Variants in AUTS2 observed in about 807,000 individuals in gnomAD.
AUTS2 encodes activator of transcription and developmental regulator AUTS2.
In AUTS2, 17 loss-of-function variants were observed where a neutral mutation model predicts 112.4. The ratio of observed to expected loss-of-function variants is 0.15; its 90% CI spans 0.10 to 0.23. AUTS2 has a LOEUF of 0.23. AUTS2 is among the 10% of genes least tolerant of loss of function. The pLI, the probability that AUTS2 is intolerant of heterozygous loss-of-function variation, is 1.00. For synonymous variants in AUTS2, 751 were observed against 702.7 expected (o/e 1.07, Z -1.09); for missense variants, 1,510 against 1,701.6 (o/e 0.89, Z 1.98).
At chr7:70,559,313 A>G (rs1801381650) in intron 5 of AUTS2, among the ~76,000 whole-genome samples, 1 of 150,766 alleles carries the variant, frequency 6.6e-6, no homozygotes. Flanking sequence ...ATCTGATCTG[A>G]TGGCTTCTAC....
At chr7:69,917,278 CCTTTTT>C (rs1394310164) in intron 2 of AUTS2, among the ~76,000 whole-genome samples, 5 of 146,872 alleles carry the variant, frequency 3.4e-5, no homozygotes, top group African/African-American at 1.3e-4. Context: ...CAGAGCATTC[CCTTTTT>C]TTTTCTTTTT....
chr7:70,614,893 G>A (rs987601231), intron 5 of AUTS2, among the ~76,000 whole-genome samples: 7 of 152,198 alleles, frequency 4.6e-5, no homozygotes, highest in Non-Finnish European at 7.4e-5. Context: ...CCGGCTGCAG[G>A]GCTAACCTGC....
chr7:70,592,638 C>T (rs556546145), intron 5 of AUTS2, among the ~76,000 whole-genome samples: 1 of 152,206 alleles, frequency 6.6e-6, no homozygotes, highest in East Asian at 1.9e-4. Context: ...GCTGGGATTA[C>T]AGGCATGAGC....
intron 4 of AUTS2, among the ~76,000 whole-genome samples, chr7:70,381,769 C>G (rs1034854489): frequency 1.3e-5 from 2 of 152,192 alleles, no homozygotes; most frequent in African/African-American, 2.4e-5. Context: ...TCCTTTGTCA[C>G]ATTGACTTCC....
At chr7:70,559,191 T>G (rs942439668) in intron 5 of AUTS2, among the ~76,000 whole-genome samples, 1 of 152,228 alleles carries the variant, frequency 6.6e-6, no homozygotes, top group African/African-American at 2.4e-5. Flanking sequence ...ACCATGATTG[T>G]GAGGCCTCCC....
At chr7:70,129,615 A>C (rs773521244) in intron 3 of AUTS2, among the ~76,000 whole-genome samples, 4 of 152,190 alleles carry the variant, frequency 2.6e-5, no homozygotes, top group Non-Finnish European at 4.4e-5. Flanking sequence ...GACTATGTTA[A>C]AAGGATTGGA....
At chr7:69,748,579 G>A (rs79316265) in intron 1 of AUTS2, among the ~76,000 whole-genome samples, 3 of 152,172 alleles carry the variant, frequency 2.0e-5, no homozygotes, top group Admixed American at 6.6e-5. Context: ...AGAGATAAAA[G>A]AGAAATTTTG....
At chr7:70,413,514 G>A (rs1794862769) in intron 4 of AUTS2, among the ~76,000 whole-genome samples, 1 of 152,178 alleles carries the variant, frequency 6.6e-6, no homozygotes, top group South Asian at 2.1e-4. Flanking sequence ...ATTTGACAAA[G>A]AACCTGGGTG....
At chr7:69,940,992 CATGGATGGCTTGTGTCATCCAAAT>C (rs1010662521) in intron 2 of AUTS2, among the ~76,000 whole-genome samples, 3 of 152,272 alleles carry the variant, frequency 2.0e-5, no homozygotes, top group Non-Finnish European at 2.9e-5. Flanking sequence ...TGCAAGAGAA[CATGGATGGCTTGTGTCATCCAAAT>C]ATGGATGGCT....
chr7:70,558,777 C>T (rs1253379750), intron 5 of AUTS2, among the ~76,000 whole-genome samples: 1 of 152,174 alleles, frequency 6.6e-6, no homozygotes, highest in Non-Finnish European at 1.5e-5. Context: ...ATTCTTCATT[C>T]CTAGATGGGA....
chr7:70,061,826 T>G (rs1438263787), intron 2 of AUTS2, among the ~76,000 whole-genome samples: 2 of 151,822 alleles, frequency 1.3e-5, no homozygotes, highest in African/African-American at 2.4e-5. Context: ...TCACTCTTGT[T>G]GCCCAGGCTG....
chr7:70,228,590 G>A (rs1213242857), intron 4 of AUTS2, among the ~76,000 whole-genome samples: 1 of 151,256 alleles, frequency 6.6e-6, no homozygotes, highest in Non-Finnish European at 1.5e-5. Context: ...TTTCTGAATG[G>A]GTTAGGGTTT....
intron 4 of AUTS2, among the ~76,000 whole-genome samples, chr7:70,334,602 A>G (rs1585029482): frequency 6.6e-6 from 1 of 152,120 alleles, no homozygotes; most frequent in East Asian, 1.9e-4. Context: ...GGAGATCCTT[A>G]TGGTTTCTGA....
intron 5 of AUTS2, among the ~76,000 whole-genome samples, chr7:70,571,385 G>A (rs1285286873): frequency 6.6e-6 from 1 of 152,198 alleles, no homozygotes; most frequent in Non-Finnish European, 1.5e-5. Flanking sequence ...GAACTTGATA[G>A]ATGTTAATTA....
At chr7:70,252,249 C>A (rs1017932930) in intron 4 of AUTS2, among the ~76,000 whole-genome samples, 5 of 152,152 alleles carry the variant, frequency 3.3e-5, no homozygotes, top group African/African-American at 9.7e-5. Flanking sequence ...TTCCCATGAA[C>A]AATGCACAAG....
At chr7:70,784,755 AAAAAAAAAAAAAAAAAAAC>A (rs1791324620) in intron 15 of AUTS2, 168 bp from the exon 16 acceptor site, 3 of 374,996 alleles carry the variant, frequency 8.0e-6, no homozygotes, top group Non-Finnish European at 1.5e-5. Context: ...AAAAAAAAAA[AAAAAAAAAAAAAAAAAAAC>A]ACACATTTTC....
Position 70,143,276 on chromosome 7 carries a change from T to A in AUTS2, c.660+8705T>A, listed in dbSNP as rs1010068123. 9.8e-5 allele frequency among the ~76,000 whole-genome samples: 15 copies of A among 152,298 alleles called. No individual in the cohort carries two copies. The South Asian group carries it at 2.1e-3, about 21-fold the overall frequency. On this transcript the variant is annotated intron_variant, in intron 4 of 18. Coordinates refer to ENST00000342771, the MANE Select transcript of AUTS2 (RefSeq NM_015570.4). ...TAGATAGTTTGAGACACTTCACTTA[T>A]CTCCCAGTACTTGACTTCAGAAGCC...
At chr7:70,061,284 A>G (rs1391740250) in intron 2 of AUTS2, among the ~76,000 whole-genome samples, 3 of 152,230 alleles carry the variant, frequency 2.0e-5, no homozygotes, top group African/African-American at 7.2e-5. Context: ...CCTGGCATAC[A>G]TGGAAGGTGC....
chr7:70,074,258 G>A (rs569614281), intron 2 of AUTS2, among the ~76,000 whole-genome samples: 5 of 152,298 alleles, frequency 3.3e-5, no homozygotes, highest in Middle Eastern at 3.4e-3. Flanking sequence ...TACAAAAACC[G>A]TTATGGCATT....
Sources: gnomAD v4.1 joint callset for allele counts (sites outside exome capture counted in the v4.1 genomes callset) on GRCh38, gnomAD v4.1.1 for gene constraint, MANE v1.5 for transcripts, NCBI Gene and HGNC (gene_info 2026-07-23, HGNC 2026-07-21) for gene names.